The following IMMT variants were observed in gnomAD, a reference collection of about 807,000 sequenced individuals.
IMMT encodes inner membrane mitochondrial protein.
IMMT carries 40 observed loss-of-function variants against 92.7 expected under a neutral mutation model. That is an observed-to-expected ratio of 0.43 (90% CI 0.34 to 0.56). IMMT has a LOEUF of 0.56. IMMT is among the 20% of genes least tolerant of loss of function. The pLI is 0.03. For synonymous variants in IMMT, 322 were observed against 336.1 expected, an observed-to-expected ratio of 0.96 and a Z score of 0.46; for missense variants, 831 against 912.1, an observed-to-expected ratio of 0.91 and a Z score of 1.14.
intron 12 of IMMT, among the ~76,000 whole-genome samples, chr2:86,150,997 A>G (rs1031554490): frequency 1.3e-5 from 2 of 151,672 alleles, no homozygotes; most frequent in Admixed American, 6.6e-5. Context: ...GCTCACTGCA[A>G]CCTCTGCCTC....
chr2:86,186,734 G>C (rs975592964), intron 1 of IMMT, among the ~76,000 whole-genome samples: 16 of 152,186 alleles, frequency 1.1e-4, no homozygotes, highest in Non-Finnish European at 2.1e-4. Flanking sequence ...AACTTCATGA[G>C]GGTCTCTGAG....
intron 1 of IMMT, among the ~76,000 whole-genome samples, chr2:86,187,503 G>C (rs925091210): frequency 6.6e-6 from 1 of 152,174 alleles, no homozygotes; most frequent in Non-Finnish European, 1.5e-5. Context: ...CCTTTTGGCT[G>C]TGAATTGTGA....
chr2:86,148,506 G>A (rs926564089), intron 12 of IMMT, among the ~76,000 whole-genome samples: 2 of 152,290 alleles, frequency 1.3e-5, no homozygotes, highest in Non-Finnish European at 2.9e-5. Context: ...CAGCTACTCG[G>A]GAGGCTGAGG....
At chr2:86,149,006 CAAA>C (rs1558810949) in intron 12 of IMMT, among the ~76,000 whole-genome samples, 1 of 151,802 alleles carries the variant, frequency 6.6e-6, no homozygotes. Context: ...AGACAGTAAA[CAAA>C]AAAGACATCT....
In IMMT at chr2:86,157,881, G is replaced by A. The variant is rs145301290; in HGVS notation, c.1162+711C>T. On this transcript the variant is annotated intron_variant, in intron 10 of 14. Coordinates refer to ENST00000410111, the MANE Select transcript of IMMT (RefSeq NM_006839.3). Reference sequence around the variant, plus strand: ...TAATCCCAGCTATTTGGGAAGCTGAGGCAGGAGGATCGCTTCAACCCGGGA... The same window carrying A: ...TAATCCCAGCTATTTGGGAAGCTGAAGCAGGAGGATCGCTTCAACCCGGGA... Among the ~76,000 whole-genome samples, 969 of 151,914 alleles carry A rather than the reference G, an allele frequency of 6.4e-3. 8 individuals carry two copies. Among genetic ancestry groups the A allele is most frequent in the African/African-American group, 0.022 (896 of 41,402 alleles).
intron 13 of IMMT, 35 bp from the exon 14 acceptor site, chr2:86,146,232 GAT>G (rs1479272106): frequency 6.3e-7 from 1 of 1,582,116 alleles, no homozygotes; most frequent in Non-Finnish European, 8.7e-7. Context: ...AGAAAAAAGT[GAT>G]ACTCAATGCA....
rs1415708524 is a variant in IMMT, at chr2:86,171,378, T to A, written c.422-33A>T. On this transcript the variant is annotated intron_variant, in intron 4 of 14. Coordinates refer to ENST00000410111, the MANE Select transcript of IMMT (RefSeq NM_006839.3). ...TATATGTTACTCATGGTATTTATAC[T>A]TTCCTGGGTTAACAGAGAAACACAC... is the stretch of plus-strand genomic sequence containing the variant. 1.9e-6 allele frequency: 3 copies of A among 1,592,568 alleles called. No individual in the cohort carries two copies. In the South Asian group the frequency reaches 3.4e-5, roughly 18 times the overall value.
chr2:86,158,472 CAA>C (rs972428244), intron 10 of IMMT, 118 bp downstream of exon 10: 64 of 746,338 alleles, frequency 8.6e-5, no homozygotes, highest in African/African-American at 6.1e-4. Flanking sequence ...AACGCTGTAA[CAA>C]AAAGAGATAT....
At chr2:86,158,186 T>G (rs928334011) in intron 10 of IMMT, among the ~76,000 whole-genome samples, 3 of 152,244 alleles carry the variant, frequency 2.0e-5, no homozygotes, top group Admixed American at 6.5e-5. Flanking sequence ...AGAGCAGACA[T>G]AAAGTGTGCT....
At chr2:86,170,183 G>C (rs374481646) in intron 6 of IMMT, among the ~76,000 whole-genome samples, 3 of 152,230 alleles carry the variant, frequency 2.0e-5, no homozygotes, top group South Asian at 2.1e-4. Flanking sequence ...GGGAGTTCAA[G>C]GTGGGAGGAT....
chr2:86,150,724 G>T (rs1675404579), intron 12 of IMMT, among the ~76,000 whole-genome samples: 1 of 152,134 alleles, frequency 6.6e-6, no homozygotes, highest in South Asian at 2.1e-4. Flanking sequence ...AGCTCCACTG[G>T]AAAGATGAGC....
rs376734555 is a variant in IMMT, at chr2:86,179,495, C to G, written c.247G>C (p.Asp83His). Residue 83 changes from aspartate (D) to histidine (H), a missense_variant, in exon 3 of 15, where the codon GAC becomes CAC. Transcript: ENST00000410111. Reference protein sequence around the residue: ...ESVEKTIPYSDKLFEMVLGPA... With the variant: ...ESVEKTIPYSHKLFEMVLGPA... ...CCAAGAACCATCTCGAAGAGTTTGT[C>G]TGAGTAAGGTATGGTTTTCTCTACA... The G allele has an allele frequency of 2.5e-6, 4 of 1,613,220 alleles. No individual in the cohort carries two copies. In the African/African-American group the frequency reaches 5.3e-5, roughly 22 times the overall value.
In IMMT at chr2:86,148,780, T is replaced by G. The variant is rs552550225; in HGVS notation, c.1402-947A>C. Among the ~76,000 whole-genome samples, 4 of 152,274 alleles carry G rather than the reference T, an allele frequency of 2.6e-5. No individual in the cohort carries two copies. In the South Asian group the frequency reaches 8.3e-4, roughly 32 times the overall value. On this transcript the variant is annotated intron_variant, in intron 12 of 14. Transcript: ENST00000410111. The stretch of plus-strand genomic sequence containing the variant: ...GCCTAACAAATAGCCATAGGTCACT[T>G]TACAAATTACTTAACACTGATTACC...
intron 2 of IMMT, 53 bp downstream of exon 2, chr2:86,181,246 T>C: frequency 7.4e-7 from 1 of 1,344,880 alleles, no homozygotes; most frequent in East Asian, 2.3e-5. Flanking sequence ...AAACACACAC[T>C]CCCTAAGCAG....
chr2:86,153,672 T>C, intron 10 of IMMT, 98 bp from the exon 11 acceptor site: 1 of 672,778 alleles, frequency 1.5e-6, no homozygotes, highest in Non-Finnish European at 2.4e-6. Flanking sequence ...CAAGAAGGAA[T>C]CGGAGACTAG....
chr2:86,149,255 G>A (rs1266321858), intron 12 of IMMT, among the ~76,000 whole-genome samples: 17 of 152,136 alleles, frequency 1.1e-4, no homozygotes, highest in Admixed American at 1.1e-3. Flanking sequence ...TAAACAGAGA[G>A]GATAGAACAA....
Position 86,195,426 on chromosome 2 carries a change from G to A in IMMT, c.-44C>T. On this transcript the variant is annotated 5_prime_UTR_variant, in exon 1 of 15. Transcript: ENST00000410111. ...GCTGCTGGTGGACTCGAGCTGCCGC[G>A]GCGGCGCGAGTTAAGTGGAGGCGTG... The A allele has an allele frequency of 1.3e-6, 2 of 1,540,652 alleles. No individual in the cohort carries two copies. The highest frequency in any genetic ancestry group is 8.8e-7 in the Non-Finnish European group (1 of 1,142,156).
At chr2:86,173,251 G>A (rs546451587) in intron 4 of IMMT, among the ~76,000 whole-genome samples, 1 of 152,340 alleles carries the variant, frequency 6.6e-6, no homozygotes, top group Admixed American at 6.5e-5. Context: ...ACTAGAGCAA[G>A]ACACTTTCAT....
At chr2:86,158,442 A>C in intron 10 of IMMT, 150 bp downstream of exon 10, 1 of 555,516 alleles carries the variant, frequency 1.8e-6, no homozygotes, top group Non-Finnish European at 3.2e-6. Context: ...TGTCATCTGT[A>C]ATGACTGTGG....
Sources: allele counts gnomAD v4.1 joint callset (sites outside exome capture counted in the v4.1 genomes callset), GRCh38; gene constraint gnomAD v4.1.1; transcripts MANE v1.5; gene names NCBI Gene and HGNC (gene_info 2026-07-23, HGNC 2026-07-21).